The following FAM20B variants were observed in gnomAD, a reference collection of about 807,000 sequenced individuals.
FAM20B encodes FAM20B glycosaminoglycan xylosylkinase.
FAM20B carries 23 observed loss-of-function variants against 43.8 expected under a neutral mutation model. The observed-to-expected ratio is 0.53, with a 90% CI of 0.38 to 0.74. FAM20B has a LOEUF of 0.74. FAM20B is among the 30% of genes least tolerant of loss of function. The pLI, the probability that FAM20B is intolerant of heterozygous loss-of-function variation, is 0.00. For synonymous variants in FAM20B, 178 were observed against 192.4 expected, an observed-to-expected ratio of 0.93 and a Z score of 0.62; for missense variants, 440 against 510.5, an observed-to-expected ratio of 0.86 and a Z score of 1.33.
rs114199868 is a variant in FAM20B, at chr1:179,028,114, T to C, written c.-134+2016T>C. On this transcript the variant is annotated intron_variant, in intron 1 of 7. Coordinates refer to ENST00000263733, the MANE Select transcript of FAM20B (RefSeq NM_014864.4). ...TTCCCACACTTTGTGTGTCTATCATTTCATTGGTGTAAAACCCTAAAATCA... is the reference window on the plus strand; with the variant it reads ...TTCCCACACTTTGTGTGTCTATCATCTCATTGGTGTAAAACCCTAAAATCA... 6.8e-3 allele frequency among the ~76,000 whole-genome samples: 1,033 copies of C among 152,306 alleles called. 12 individuals are homozygous for C. The highest frequency in any genetic ancestry group is 0.024 in the African/African-American group (985 of 41,568).
chr1:179,032,346 G>A (rs1650051637), intron 1 of FAM20B, among the ~76,000 whole-genome samples: 1 of 136,306 alleles, frequency 7.3e-6, no homozygotes, highest in Non-Finnish European at 1.5e-5. Flanking sequence ...TTTTGAGACA[G>A]GATCTTGCTC....
intron 1 of FAM20B, among the ~76,000 whole-genome samples, chr1:179,032,353 G>C (rs1433307845): frequency 8.2e-6 from 1 of 121,264 alleles, no homozygotes; most frequent in Non-Finnish European, 1.6e-5. Context: ...ACAGGATCTT[G>C]CTCTGTCACC....
the FAM20B span, among the ~76,000 whole-genome samples, chr1:179,020,267 G>T: frequency 1.3e-5 from 2 of 152,058 alleles, no homozygotes; most frequent in African/African-American, 4.8e-5. Flanking sequence ...CCTTCTGGTT[G>T]CCTCACCTTT....
chr1:179,069,092 G>A (rs1418949456), intron 7 of FAM20B, among the ~76,000 whole-genome samples: 1 of 152,180 alleles, frequency 6.6e-6, no homozygotes, highest in Non-Finnish European at 1.5e-5. Context: ...GGCCTTCAAA[G>A]CTCTGGTTTC....
At chr1:179,028,338 C>T (rs1399078891) in intron 1 of FAM20B, among the ~76,000 whole-genome samples, 7 of 152,300 alleles carry the variant, frequency 4.6e-5, no homozygotes, top group East Asian at 3.9e-4. Flanking sequence ...AATCCCAGCA[C>T]TTTGGGAGGC....
In FAM20B at chr1:179,073,577, C is replaced by G. The variant is rs1246008459; in HGVS notation, c.*1433C>G. The G allele has an allele frequency of 6.6e-6, 1 of 152,164 alleles. No individual in the cohort carries two copies. Among genetic ancestry groups the G allele is most frequent in the Non-Finnish European group, 1.5e-5 (1 of 68,026 alleles). The allele number at this position is 152,164 out of a possible 1,614,324, so 9.4% of individuals were successfully genotyped here. On this transcript the variant is annotated 3_prime_UTR_variant, in exon 8 of 8. Coordinates refer to ENST00000263733, the MANE Select transcript of FAM20B (RefSeq NM_014864.4). Reference sequence around the variant, plus strand: ...ACCCCAGGTGATCCACCTGCCTCAGCCTTCCAAAGTGCTGGGATTACAGGC... The same window carrying G: ...ACCCCAGGTGATCCACCTGCCTCAGGCTTCCAAAGTGCTGGGATTACAGGC...
At chr1:179,027,564 C>G (rs1649838652) in intron 1 of FAM20B, among the ~76,000 whole-genome samples, 1 of 152,226 alleles carries the variant, frequency 6.6e-6, no homozygotes, top group East Asian at 1.9e-4. Flanking sequence ...AATCAGTCAG[C>G]AGGAGTCCCT....
intron 1 of FAM20B, among the ~76,000 whole-genome samples, chr1:179,029,531 C>G (rs1324907799): frequency 2.0e-5 from 3 of 152,190 alleles, no homozygotes; most frequent in African/African-American, 7.2e-5. Flanking sequence ...CGTCTGTCAT[C>G]CCAGTGTGAG....
At chr1:179,059,591 A>C (rs1056874727) in intron 4 of FAM20B, among the ~76,000 whole-genome samples, 42 of 152,334 alleles carry the variant, frequency 2.8e-4, no homozygotes, top group African/African-American at 1.0e-3. Flanking sequence ...TATAGGAAAC[A>C]GGTTTCCTAT....
intron 4 of FAM20B, among the ~76,000 whole-genome samples, chr1:179,058,611 ACTTTCT>A (rs1333721844): frequency 1.3e-5 from 2 of 152,178 alleles, no homozygotes; most frequent in African/African-American, 4.8e-5. Context: ...AGGAGTAGAG[ACTTTCT>A]CTTTAGGCAC....
upstream of FAM20B, among the ~76,000 whole-genome samples, chr1:179,023,344 T>C (rs533012630): frequency 3.9e-4 from 60 of 152,280 alleles, no homozygotes; most frequent in Non-Finnish European, 7.1e-4. Flanking sequence ...AAAGATGAAA[T>C]AGTGTATGTC....
At position 179,044,001 on chromosome 1, in the gene FAM20B, C is replaced by T. The variant is rs766330375; in HGVS notation, c.154C>T (p.Leu52=). ...HRMMTGLRVE[L]APKLDHTLQS... ...AATGATGACTGGCTTGCGGGTGGAG[C>T]TGGCACCCAAGCTGGACCATACCTT... Residue 52 remains leucine (L), a synonymous_variant, in exon 2 of 8, where the codon CTG becomes TTG. Transcript: ENST00000263733. 3 of 1,614,168 alleles carry T rather than the reference C, an allele frequency of 1.9e-6. No homozygotes were observed. Among genetic ancestry groups the T allele is most frequent in the Non-Finnish European group, 2.5e-6 (3 of 1,180,006 alleles).
intron 1 of FAM20B, among the ~76,000 whole-genome samples, chr1:179,026,517 C>G (rs1308830520): frequency 6.6e-6 from 1 of 152,168 alleles, no homozygotes; most frequent in African/African-American, 2.4e-5. Flanking sequence ...CTTGTGTTCC[C>G]CGGAGCGCCC....
chr1:179,038,489 C>T (rs1650346662), intron 1 of FAM20B, among the ~76,000 whole-genome samples: 1 of 152,070 alleles, frequency 6.6e-6, no homozygotes, highest in Admixed American at 6.5e-5. Context: ...AAGTAAAAGC[C>T]TATGAAGCTG....
chr1:179,038,419 A>AG (rs1388895674), intron 1 of FAM20B, among the ~76,000 whole-genome samples: 1 of 151,840 alleles, frequency 6.6e-6, no homozygotes, highest in Non-Finnish European at 1.5e-5. Flanking sequence ...CTCAAAAAAA[A>AG]AAAAAAAGAA....
At chr1:179,030,742 C>T (rs1045148918) in intron 1 of FAM20B, among the ~76,000 whole-genome samples, 9 of 152,134 alleles carry the variant, frequency 5.9e-5, no homozygotes, top group African/African-American at 1.9e-4. Flanking sequence ...TTGCCCTTCT[C>T]TCCTTTTATT....
In FAM20B at chr1:179,066,325, A is replaced by G. The variant is rs543641628; in HGVS notation, c.939-475A>G. Reference sequence around the variant, plus strand: ...AACAGTTTTTCCAATTTGAATCTGTACTTATACTTACTTGTAGGGAATAGG... The same window carrying G: ...AACAGTTTTTCCAATTTGAATCTGTGCTTATACTTACTTGTAGGGAATAGG... On this transcript the variant is annotated intron_variant, in intron 6 of 7. Coordinates refer to ENST00000263733, the MANE Select transcript of FAM20B (RefSeq NM_014864.4). Among the ~76,000 whole-genome samples the G allele has an allele frequency of 5.9e-5, 9 of 152,286 alleles. No individual in the cohort carries two copies. In the South Asian group the frequency reaches 1.5e-3, roughly 25 times the overall value.
intron 1 of FAM20B, among the ~76,000 whole-genome samples, chr1:179,040,109 T>C (rs1486397103): frequency 6.6e-6 from 1 of 152,176 alleles, no homozygotes; most frequent in Non-Finnish European, 1.5e-5. Flanking sequence ...CAGAACAAAA[T>C]GAAAAGTCTC....
At chr1:179,051,584 A>G (rs1031027663) in intron 3 of FAM20B, among the ~76,000 whole-genome samples, 1 of 151,784 alleles carries the variant, frequency 6.6e-6, no homozygotes, top group Non-Finnish European at 1.5e-5. Flanking sequence ...CTGTGATCAC[A>G]CCACTGCACT....
Sources: allele counts gnomAD v4.1 joint callset (sites outside exome capture counted in the v4.1 genomes callset), GRCh38; gene constraint gnomAD v4.1.1; transcripts MANE v1.5; gene names NCBI Gene and HGNC (gene_info 2026-07-23, HGNC 2026-07-21).